DNAAF9: variants seen among roughly 807,000 people sequenced by gnomAD.
DNAAF9 encodes shulin.
DNAAF9 carries 90 observed loss-of-function variants against 167.0 expected under a neutral mutation model. The ratio of observed to expected loss-of-function variants is 0.54; its 90% CI spans 0.45 to 0.64. DNAAF9 has a LOEUF of 0.64. DNAAF9 is among the 30% of genes least tolerant of loss of function. The probability of loss-of-function intolerance (pLI) is 0.00; values close to 1 mark genes in which losing one functional copy is unlikely to be tolerated. For missense variants in DNAAF9, 1,315 were observed against 1,442.2 expected (o/e 0.91, Z 1.43); for synonymous variants, 491 against 508.8 (o/e 0.96, Z 0.47).
intron 30 of DNAAF9, among the ~76,000 whole-genome samples, chr20:3,269,208 CTTT>C (rs758519001): frequency 5.1e-5 from 7 of 137,904 alleles, no homozygotes; most frequent in Admixed American, 7.3e-5. Flanking sequence ...CACCCGGCCA[CTTT>C]TTTTTTTTTT....
chr20:3,348,596 T>C lies in DNAAF9; in HGVS notation c.718A>G (p.Thr240Ala), dbSNP rs1305539979. 3.7e-6 allele frequency: 6 copies of C among 1,602,888 alleles called. No homozygotes were observed. The South Asian group carries it at 6.7e-5, about 18-fold the overall frequency. The part of the protein sequence containing the change: ...DDLVAFEHQW[T>A]SFFANFDTEI... The stretch of plus-strand genomic sequence containing the variant: ...GTGTCAAAATTAGCGAAGAAGCTAG[T>C]CCACTGATGTTCAAAAGCCACCAAA... Residue 240 changes from threonine to alanine, a missense_variant, in exon 8 of 37, where the codon ACT becomes GCT. Physicochemically the swap from Thr to Ala is moderately conservative, Grantham distance 58. Coordinates refer to ENST00000252032, the MANE Select transcript of DNAAF9 (RefSeq NM_001009984.3).
intron 1 of DNAAF9, among the ~76,000 whole-genome samples, chr20:3,383,798 ATTC>A (rs2083695505): frequency 7.8e-6 from 1 of 127,714 alleles, no homozygotes; most frequent in Admixed American, 8.2e-5. Context: ...GCCCCACTGG[ATTC>A]TTTTTTTTTT....
chr20:3,355,048 CTA>C (rs1438265454), intron 7 of DNAAF9, among the ~76,000 whole-genome samples: 1 of 152,178 alleles, frequency 6.6e-6, no homozygotes, highest in Non-Finnish European at 1.5e-5. Context: ...ATTCTGGCCT[CTA>C]TGTGTGACCT....
rs138574922 is a variant in DNAAF9 at position 3,249,468 on chromosome 20, G to A, written c.*3104C>T. 8.5e-5 allele frequency: 13 copies of A among 152,318 alleles called. No individual in the cohort carries two copies. Among genetic ancestry groups the A allele is most frequent in the South Asian group, 2.1e-4 (1 of 4,824 alleles). 9.4% of individuals were successfully genotyped at this position (152,318 alleles called of 1,614,324 possible). On this transcript the variant is annotated 3_prime_UTR_variant, in exon 37 of 37. Coordinates refer to ENST00000252032, the MANE Select transcript of DNAAF9 (RefSeq NM_001009984.3). ...AGTAGTGTAATAAATACTATGATAA[G>A]CAAAAAGCTTCAATCGCACAATTCA...
intron 7 of DNAAF9, among the ~76,000 whole-genome samples, chr20:3,348,934 G>A (rs1349786548): frequency 6.6e-6 from 1 of 152,136 alleles, no homozygotes; most frequent in Non-Finnish European, 1.5e-5. Flanking sequence ...GAGACTGACT[G>A]CAAGTGGGCA....
chr20:3,340,434 C>CCCG, intron 10 of DNAAF9, 70 bp downstream of exon 10: 3 of 184,748 alleles, frequency 1.6e-5, no homozygotes, highest in South Asian at 1.1e-4. Flanking sequence ...TTGTCTAGCT[C>CCCG]CCCCCACCCA....
rs755499907 is a variant in DNAAF9 at position 3,268,022 on chromosome 20, C to CT, written c.2786+2404dup. Among the ~76,000 whole-genome samples the CT allele has an allele frequency of 3.0e-3, 406 of 133,366 alleles. 2 individuals are homozygous for CT. The highest frequency in any genetic ancestry group is 6.6e-3 in the African/African-American group (243 of 36,612). The allele number at this position is 133,366 out of a possible 152,430, so 87.5% of individuals were successfully genotyped here. A position where few individuals can be genotyped will look rare whatever the true frequency, so the allele number is the denominator to read the frequency against. ...TTACTTTGATATACAGATAGGTTTA[C>CT]TTTTTTTTTTTTTTTTTAATTTTGA... is the stretch of plus-strand genomic sequence containing the variant. On this transcript the variant is annotated intron_variant, in intron 30 of 36. Transcript: ENST00000252032.
chr20:3,259,463 TC>T lies in DNAAF9; in HGVS notation c.3055+16del. The T allele has an allele frequency of 6.5e-7, 1 of 1,536,480 alleles. No homozygotes were observed. Among genetic ancestry groups the T allele is most frequent in the Non-Finnish European group, 9.0e-7 (1 of 1,113,314 alleles). On this transcript the variant is annotated intron_variant, in intron 33 of 36. Transcript: ENST00000252032. ...CACTCCATGGTGTAGAGCTCCCAAA[TC>T]CCAGCCCCTGGTTACCTGAAAACTT... is the stretch of plus-strand genomic sequence containing the variant.
chr20:3,294,037 C>T, intron 25 of DNAAF9, 102 bp downstream of exon 25: 1 of 716,336 alleles, frequency 1.4e-6, no homozygotes, highest in African/African-American at 1.7e-5. Context: ...GTAACAGGGA[C>T]TCCATCTAAG....
chr20:3,369,844 T>G, intron 6 of DNAAF9, among the ~76,000 whole-genome samples: 1 of 152,234 alleles, frequency 6.6e-6, no homozygotes, highest in East Asian at 1.9e-4. Flanking sequence ...ATACATTCAG[T>G]TATTACAACA....
In DNAAF9 at chr20:3,251,350, A is replaced by AG. The variant is rs1282154136; in HGVS notation, c.*1221_*1222insC. On this transcript the variant is annotated 3_prime_UTR_variant, in exon 37 of 37. Coordinates refer to ENST00000252032, the MANE Select transcript of DNAAF9 (RefSeq NM_001009984.3). ...CTTCTTCCTAAGGCATGCAAAAAAA[A>AG]ATATGTGAAATTCAGAAAACATTTA... is the stretch of plus-strand genomic sequence containing the variant. The AG allele has an allele frequency of 6.6e-6, 1 of 151,994 alleles. No homozygotes were observed. Among genetic ancestry groups the AG allele is most frequent in the East Asian group, 1.9e-4 (1 of 5,192 alleles). 9.4% of individuals were successfully genotyped at this position (151,994 alleles called of 1,614,324 possible).
chr20:3,346,423 G>A (rs1442598017), intron 8 of DNAAF9, among the ~76,000 whole-genome samples: 1 of 152,100 alleles, frequency 6.6e-6, no homozygotes, highest in Non-Finnish European at 1.5e-5. Flanking sequence ...ACATACAAGA[G>A]GGGCTGAATA....
chr20:3,284,173 CTTTTTTTTTTTTTTTT>C (rs200633758), intron 27 of DNAAF9, among the ~76,000 whole-genome samples: 1 of 118,232 alleles, frequency 8.5e-6, no homozygotes, highest in Non-Finnish European at 1.7e-5. Context: ...TTACTAGAGT[CTTTTTTTTTTTTTTTT>C]TTTTTTTTTG....
chr20:3,351,221 A>T (rs891490082), intron 7 of DNAAF9, among the ~76,000 whole-genome samples: 4 of 152,192 alleles, frequency 2.6e-5, no homozygotes, highest in African/African-American at 9.6e-5. Flanking sequence ...GGGCAGGTGC[A>T]GTGGCTCATG....
intron 10 of DNAAF9, among the ~76,000 whole-genome samples, chr20:3,336,240 T>G (rs1442911667): frequency 6.7e-6 from 1 of 148,268 alleles, no homozygotes; most frequent in Admixed American, 6.8e-5. Flanking sequence ...TTTTGCAGAT[T>G]CACAGTTTTG....
chr20:3,294,617 T>C lies in DNAAF9; in HGVS notation c.2031A>G (p.Ala677=). The change falls in exon 24 of 37, where the codon GCA becomes GCG. Residue 677 remains alanine, a synonymous_variant. Transcript: ENST00000252032. ...SVEQKRLHSS[A]QKLFSALSQP... The stretch of plus-strand genomic sequence containing the variant: ...GGCTCAGGGCACTGAAGAGCTTCTG[T>C]GCACTGGAGTGCCTGGAATAACAAA... 6.2e-7 allele frequency: 1 copy of C among 1,608,492 alleles called. No homozygotes were observed.
At chr20:3,290,352 T>C in intron 25 of DNAAF9, 135 bp from the exon 26 acceptor site, 2 of 659,900 alleles carry the variant, frequency 3.0e-6, no homozygotes, top group Non-Finnish European at 5.5e-6. Flanking sequence ...CTCTGTGACC[T>C]TAGGCCAATG....
intron 21 of DNAAF9, among the ~76,000 whole-genome samples, chr20:3,300,068 A>C (rs893257648): frequency 2.0e-5 from 3 of 152,024 alleles, no homozygotes; most frequent in Non-Finnish European, 2.9e-5. Flanking sequence ...ACACTTGCCT[A>C]ATTTTTGTAT....
chr20:3,329,296 T>C (rs1433216706), intron 12 of DNAAF9, among the ~76,000 whole-genome samples: 4 of 152,326 alleles, frequency 2.6e-5, no homozygotes, highest in Admixed American at 2.0e-4. Flanking sequence ...GCCTCCCAAG[T>C]AGCTGGGAAT....
Sources: allele counts gnomAD v4.1 joint callset (sites outside exome capture counted in the v4.1 genomes callset), GRCh38; gene constraint gnomAD v4.1.1; transcripts MANE v1.5; gene names NCBI Gene and HGNC (gene_info 2026-07-23, HGNC 2026-07-21).